The following BPTF variants were observed in gnomAD, a reference collection of about 807,000 sequenced individuals.
The protein encoded by BPTF is bromodomain PHD finger transcription factor, also known as nucleosome-remodeling factor subunit BPTF.
Under a neutral mutation model 292.5 loss-of-function variants are expected in BPTF, and 18 were observed. The ratio of observed to expected loss-of-function variants is 0.06; its 90% CI spans 0.04 to 0.09. BPTF has a LOEUF of 0.09. Ranked by LOEUF, BPTF falls within the 10% of genes least tolerant of loss-of-function variation. The pLI is 1.00. For missense variants in BPTF, 2,726 were observed against 3,498.7 expected, an observed-to-expected ratio of 0.78 and a Z score of 5.57; for synonymous variants, 1,225 against 1,251.9, an observed-to-expected ratio of 0.98 and a Z score of 0.45.
chr17:67,875,826 C>T, intron 4 of BPTF: 4 of 1,177,538 alleles, frequency 3.4e-6, no homozygotes, highest in East Asian at 3.1e-5. Context: ...CACCTAAAAC[C>T]TTAAACTATG....
At chr17:67,839,425 C>A (rs1358016805) in intron 1 of BPTF, among the ~76,000 whole-genome samples, 1 of 152,136 alleles carries the variant, frequency 6.6e-6, no homozygotes, top group African/African-American at 2.4e-5. Context: ...CTGCAAGCTA[C>A]ATATTAATTA....
At position 67,959,663 on chromosome 17, in the gene BPTF, T is replaced by TCCACCCCCC; in HGVS notation, c.8054_8055insCCCCCCACC (p.Pro2683_Pro2685dup). On this transcript the variant is annotated inframe_insertion, in exon 24 of 28. Coordinates refer to ENST00000306378, the MANE Select transcript of BPTF (RefSeq NM_182641.4). ...CAGCTCCTCCAGCCCCTCCAGCCCC[T>TCCACCCCCC]CCACCTTCACCTCCCCCTCCACCTG... The TCCACCCCCC allele has an allele frequency of 6.8e-7, 1 of 1,469,074 alleles. No homozygotes were observed. The highest frequency in any genetic ancestry group is 9.1e-7 in the Non-Finnish European group (1 of 1,101,600). 91.0% of individuals were successfully genotyped at this position (1,469,074 alleles called of 1,614,324 possible).
chr17:67,847,687 A>G (rs1250179069), intron 1 of BPTF, among the ~76,000 whole-genome samples: 1 of 151,906 alleles, frequency 6.6e-6, no homozygotes, highest in African/African-American at 2.4e-5. Context: ...AAAAAAAAAA[A>G]AAAAGAAAAA....
Position 67,911,504 on chromosome 17 carries a change from A to C in BPTF, c.3620A>C (p.Lys1207Thr). Reference sequence around the variant, plus strand: ...AGAGGCCAGGAACCCAGTAAGAGTAAAACAAAAGGAAATGATTTTTTCATC... The same window carrying C: ...AGAGGCCAGGAACCCAGTAAGAGTACAACAAAAGGAAATGATTTTTTCATC... ...ASRGQEPSKSKTKGNDFFIDD... is the reference protein window; with the variant it reads ...ASRGQEPSKSTTKGNDFFIDD... Residue 1207 changes from lysine (K) to threonine (T), a missense_variant, in exon 11 of 28, where the codon AAA becomes ACA. Physicochemically the swap from Lys to Thr is moderately conservative, Grantham distance 78. This residue lies in a region of BPTF where 713 missense variants were observed against 714.9 expected (regional missense o/e 1.00). Coordinates refer to ENST00000306378, the MANE Select transcript of BPTF (RefSeq NM_182641.4). The C allele has an allele frequency of 6.2e-7, 1 of 1,613,640 alleles. No homozygotes were observed. The highest frequency in any genetic ancestry group is 8.5e-7 in the Non-Finnish European group (1 of 1,179,912).
At chr17:67,957,070 G>A (rs1555681437) in intron 23 of BPTF, 1 of 152,088 alleles carries the variant, frequency 6.6e-6, no homozygotes, top group Non-Finnish European at 1.5e-5. Context: ...ATCACCTGAG[G>A]TCCGGAGTTC....
At chr17:67,917,312 A>G (rs1256413664) in intron 11 of BPTF, among the ~76,000 whole-genome samples, 7 of 151,468 alleles carry the variant, frequency 4.6e-5, no homozygotes, top group Admixed American at 2.0e-4. Context: ...TTTAGTAGAG[A>G]TGGGGTTTCA....
At position 67,964,401 on chromosome 17, in the gene BPTF, A is replaced by G. The variant is rs782448545; in HGVS notation, c.8451A>G (p.Leu2817=). 1.4e-5 allele frequency: 22 copies of G among 1,610,810 alleles called. No individual in the cohort carries two copies. The highest frequency in any genetic ancestry group is 1.9e-5 in the Non-Finnish European group (22 of 1,177,342). The change falls in exon 25 of 28, where the codon TTA becomes TTG. Residue 2817 remains leucine, a synonymous_variant. Transcript: ENST00000306378. ...GGTTGAAGAGGGTGCTCCGTTCCTT[A>G]CAGGTGAGACCCCTCTGTGTGCAGC... ...YEGLKRVLRS[L]QAHKMAWPFL...
intron 1 of BPTF, among the ~76,000 whole-genome samples, chr17:67,847,704 C>T (rs2058131175): frequency 6.6e-6 from 1 of 150,980 alleles, no homozygotes; most frequent in Non-Finnish European, 1.5e-5. Flanking sequence ...AAAAAGAAAG[C>T]ACTCTATAAA....
chr17:67,959,328 C>T (rs971469507), intron 23 of BPTF, among the ~76,000 whole-genome samples: 1 of 152,200 alleles, frequency 6.6e-6, no homozygotes, highest in Admixed American at 6.5e-5. Context: ...TAGCAGCTTT[C>T]TAGTTGTTCT....
rs2059766585 is a variant in BPTF at position 67,871,934 on chromosome 17, T to G, written c.1661-2883T>G. The stretch of plus-strand genomic sequence containing the variant: ...TCTGTCTCCTAGGTTCAAGCAATTA[T>G]CATGTCTCAGCCTCCCAGGTAGCTG... On this transcript the variant is annotated intron_variant, in intron 3 of 27. Transcript: ENST00000306378. Among the ~76,000 whole-genome samples, 3 of 152,168 alleles carry G rather than the reference T, an allele frequency of 2.0e-5. No individual in the cohort carries two copies. In the South Asian group the frequency reaches 6.2e-4, roughly 32 times the overall value.
rs764527892 is a variant in BPTF at position 67,909,636 on chromosome 17, G to A, written c.2867G>A (p.Arg956Gln). The stretch of plus-strand genomic sequence containing the variant: ...GAGTCAGATAAAAGAAAATGTTCAC[G>A]AAGTCCAAAAAAAATAAAAATAGAG... ...MDESDKRKCS[R>Q]SPKKIKIEPD... Residue 956 changes from arginine (R) to glutamine (Q), a missense_variant, in exon 10 of 28, where the codon CGA becomes CAA. By Grantham distance (43) the Arg-to-Gln change is conservative. Transcript: ENST00000306378. The A allele has an allele frequency of 2.4e-5, 38 of 1,593,468 alleles. No individual in the cohort carries two copies. The highest frequency in any genetic ancestry group is 6.7e-5 in the East Asian group (3 of 44,592).
rs189399617 is a variant in BPTF, at chr17:67,950,110, G to T, written c.7926+1804G>T. Among the ~76,000 whole-genome samples, 135 of 142,632 alleles carry T rather than the reference G, an allele frequency of 9.5e-4. 1 individual carries two copies. The highest frequency in any genetic ancestry group is 3.2e-3 in the African/African-American group (122 of 38,158). The allele number at this position is 142,632 out of a possible 152,430, so 93.6% of individuals were successfully genotyped here. On this transcript the variant is annotated intron_variant, in intron 23 of 27. Coordinates refer to ENST00000306378, the MANE Select transcript of BPTF (RefSeq NM_182641.4). ...TATCTTAAACATTTTAAGAAGGTGA[G>T]AAATAGACCAGGCACAGTGGCTCAT...
chr17:67,937,912 C>A (rs1288007879), intron 18 of BPTF, among the ~76,000 whole-genome samples: 1 of 152,160 alleles, frequency 6.6e-6, no homozygotes, highest in African/African-American at 2.4e-5. Context: ...GTCAGGAGTT[C>A]AAGACCAGCC....
chr17:67,957,718 G>A (rs1273160742), intron 23 of BPTF, among the ~76,000 whole-genome samples: 2 of 152,172 alleles, frequency 1.3e-5, no homozygotes, highest in African/African-American at 4.8e-5. Flanking sequence ...AAAATTAGCT[G>A]GGCATGGTAG....
At chr17:67,963,171 G>A (rs1415147613) in intron 24 of BPTF, among the ~76,000 whole-genome samples, 1 of 152,122 alleles carries the variant, frequency 6.6e-6, no homozygotes, top group Non-Finnish European at 1.5e-5. Context: ...ATCAGATACT[G>A]GAGTTTGCCA....
At chr17:67,842,459 C>G (rs1223892560) in intron 1 of BPTF, among the ~76,000 whole-genome samples, 2 of 152,136 alleles carry the variant, frequency 1.3e-5, no homozygotes, top group African/African-American at 2.4e-5. Flanking sequence ...TCAATGACTT[C>G]TAGATCCACT....
intron 1 of BPTF, among the ~76,000 whole-genome samples, chr17:67,842,024 C>G (rs1201151112): frequency 6.6e-6 from 1 of 151,824 alleles, no homozygotes; most frequent in East Asian, 1.9e-4. Flanking sequence ...AGCATTTTAC[C>G]TCTAAATAAA....
chr17:67,967,515 A>C (rs2068254127), intron 26 of BPTF, among the ~76,000 whole-genome samples: 1 of 151,316 alleles, frequency 6.6e-6, no homozygotes, highest in East Asian at 2.0e-4. Context: ...TCATTGTGGC[A>C]GTGTTTATAA....
At chr17:67,880,044 C>T (rs183057279) in intron 4 of BPTF, among the ~76,000 whole-genome samples, 33 of 152,192 alleles carry the variant, frequency 2.2e-4, no homozygotes, top group South Asian at 1.5e-3. Context: ...TTTCTTTAAT[C>T]GCCTTTTTTT....
Sources: allele counts gnomAD v4.1 joint callset (sites outside exome capture counted in the v4.1 genomes callset), GRCh38; gene constraint gnomAD v4.1.1; regional missense constraint gnomAD v4.1.1; transcripts MANE v1.5; gene names NCBI Gene and HGNC (gene_info 2026-07-23, HGNC 2026-07-21).